BTD: variants seen among roughly 807,000 people sequenced by gnomAD.
BTD encodes the protein biotinidase, also known as biocytinase.
In BTD, 13 loss-of-function variants were observed where a neutral mutation model predicts 17.7. The ratio of observed to expected loss-of-function variants is 0.74; its 90% CI spans 0.48 to 1.17. The LOEUF (loss-of-function observed/expected upper bound fraction) is 1.17. Among genes scored for constraint, BTD ranks in the 50% most tolerant of loss-of-function variants. The pLI, the probability that BTD is intolerant of heterozygous loss-of-function variation, is 0.00. For synonymous variants in BTD, 240 were observed against 245.2 expected (o/e 0.98, Z 0.20); for missense variants, 674 against 650.4 (o/e 1.04, Z -0.39).
chr3:15,610,730 A>G (rs1353511678), intron 1 of BTD, among the ~76,000 whole-genome samples: 1 of 152,208 alleles, frequency 6.6e-6, no homozygotes, highest in Non-Finnish European at 1.5e-5. Context: ...TTTTGAAGCC[A>G]TCTTGTTTAT....
At chr3:15,608,722 C>T (rs537061418) in intron 1 of BTD, among the ~76,000 whole-genome samples, 2 of 151,342 alleles carry the variant, frequency 1.3e-5, no homozygotes, top group South Asian at 2.1e-4. Flanking sequence ...GCCGAGATTG[C>T]GCCCCTGCAC....
chr3:15,630,196 G>A (rs1015566728), intron 1 of BTD: 1 of 528,506 alleles, frequency 1.9e-6, no homozygotes. Flanking sequence ...AACTGTAAAA[G>A]AGATAGATGA....
intron 3 of BTD, chr3:15,685,963 T>C (rs1315194344): frequency 3.9e-6 from 6 of 1,533,050 alleles, no homozygotes; most frequent in Non-Finnish European, 4.5e-6. Flanking sequence ...TATGAGGTCA[T>C]AAAAGCTTTT....
chr3:15,685,196 A>G (rs981396213), intron 3 of BTD: 2 of 1,603,902 alleles, frequency 1.2e-6, no homozygotes, highest in Admixed American at 1.7e-5. Context: ...TCACTACACA[A>G]TGATATGCAT....
intron 3 of BTD, among the ~76,000 whole-genome samples, chr3:15,701,708 A>C (rs1010044141): frequency 2.0e-5 from 3 of 152,212 alleles, no homozygotes; most frequent in Non-Finnish European, 4.4e-5. Context: ...TGATAAAGAA[A>C]TAAAATAAAA....
chr3:15,615,480 T>A (rs928460849), intron 1 of BTD, among the ~76,000 whole-genome samples: 2 of 152,224 alleles, frequency 1.3e-5, no homozygotes, highest in South Asian at 4.1e-4. Flanking sequence ...ATCTTGTCTT[T>A]CTGTCCTTCA....
downstream of BTD, chr3:15,713,533 G>C (rs555689982): frequency 4.0e-5 from 65 of 1,610,496 alleles, no homozygotes; most frequent in South Asian, 7.0e-4. Context: ...TTACTTTGCA[G>C]TGTCAGCACC....
rs372469129 is a variant in BTD, at chr3:15,708,026, T to C, written c.400-2034T>C. On this transcript the variant is annotated intron_variant, in intron 3 of 3. Coordinates refer to the BTD transcript ENST00000672141. ...TGATCCCACAAGAGCAAACAGGCAC[T>C]GGTAATTGCAGTTGGCAGCAGCGTA... is the stretch of plus-strand genomic sequence containing the variant. The C allele has an allele frequency of 4.3e-6, 7 of 1,610,388 alleles. No homozygotes were observed. The highest frequency in any genetic ancestry group is 5.9e-6 in the Non-Finnish European group (7 of 1,178,402).
In BTD at chr3:15,699,918, A is replaced by C. The variant is rs1296614734; in HGVS notation, c.400-10142A>C. 3.3e-5 allele frequency among the ~76,000 whole-genome samples: 5 copies of C among 152,338 alleles called. No individual in the cohort carries two copies. In the South Asian group the frequency reaches 6.2e-4, roughly 19 times the overall value. ...CCAAAGGATTATAAATCATGCTGCTATAAAGACACATGCACACGTATGTTT... is the reference window on the plus strand; with the variant it reads ...CCAAAGGATTATAAATCATGCTGCTCTAAAGACACATGCACACGTATGTTT... On this transcript the variant is annotated intron_variant, in intron 3 of 3. Transcript: ENST00000672141.
At chr3:15,655,474 A>G (rs2065862448), downstream of BTD, among the ~76,000 whole-genome samples, 1 of 152,242 alleles carries the variant, frequency 6.6e-6, no homozygotes, top group Admixed American at 6.5e-5. Flanking sequence ...GAATAGTAAA[A>G]GGGACATATG....
intron 3 of BTD, among the ~76,000 whole-genome samples, chr3:15,659,711 G>A (rs2065904103): frequency 6.6e-6 from 1 of 152,200 alleles, no homozygotes; most frequent in Admixed American, 6.5e-5. Context: ...TGTCAGAGCA[G>A]CAAATCCCTC....
At chr3:15,717,619 C>T (rs933654543), downstream of BTD, among the ~76,000 whole-genome samples, 3 of 152,042 alleles carry the variant, frequency 2.0e-5, no homozygotes, top group African/African-American at 7.2e-5. Context: ...TAACTACAAG[C>T]CAAACACTTC....
At chr3:15,707,848 G>C in intron 3 of BTD, 1 of 1,509,164 alleles carries the variant, frequency 6.6e-7, no homozygotes. Context: ...ACACAAATTT[G>C]CAACAAAAAC....
At chr3:15,661,696 T>C (rs1418730960) in intron 3 of BTD, among the ~76,000 whole-genome samples, 1 of 152,230 alleles carries the variant, frequency 6.6e-6, no homozygotes, top group East Asian at 1.9e-4. Flanking sequence ...TTTGGTGTTA[T>C]ATCTAAAAAG....
intron 3 of BTD, among the ~76,000 whole-genome samples, chr3:15,660,497 C>A (rs1202134787): frequency 1.3e-5 from 2 of 152,184 alleles, no homozygotes; most frequent in African/African-American, 4.8e-5. Context: ...CCTACATATC[C>A]AATGTCTTAC....
chr3:15,662,531 T>C (rs1191889497), intron 3 of BTD, among the ~76,000 whole-genome samples: 2 of 152,234 alleles, frequency 1.3e-5, no homozygotes, highest in Non-Finnish European at 2.9e-5. Context: ...ACATAAATGA[T>C]CATGTCATTT....
chr3:15,601,742 A>C (rs1270262192), upstream of BTD: 3 of 1,585,258 alleles, frequency 1.9e-6, no homozygotes, highest in Non-Finnish European at 2.6e-6. Flanking sequence ...AGGCGGGACT[A>C]GCAGGAGATT....
chr3:15,642,256 A>G (rs915794869), intron 3 of BTD, 199 bp downstream of exon 3: 9 of 1,441,048 alleles, frequency 6.2e-6, no homozygotes, highest in Middle Eastern at 2.4e-4. Flanking sequence ...TTATTCATCT[A>G]TGGATCTTTC....
At chr3:15,602,681 G>A (rs1240226733) in intron 1 of BTD, among the ~76,000 whole-genome samples, 1 of 152,146 alleles carries the variant, frequency 6.6e-6, no homozygotes, top group Non-Finnish European at 1.5e-5. Context: ...AGTGAAATGA[G>A]TGAGAAGCAC....
Sources: allele counts gnomAD v4.1 joint callset (sites outside exome capture counted in the v4.1 genomes callset), GRCh38; gene constraint gnomAD v4.1.1; transcripts MANE v1.5; gene names NCBI Gene and HGNC (gene_info 2026-07-23, HGNC 2026-07-21).